SCN9A: variants seen among roughly 807,000 people sequenced by gnomAD.
SCN9A encodes sodium channel protein type 9 subunit alpha.
A neutral mutation model predicts 187.0 loss-of-function variants in SCN9A; 131 were observed. That is an observed-to-expected ratio of 0.70 (90% CI 0.61 to 0.81). The LOEUF (loss-of-function observed/expected upper bound fraction) is 0.81, where lower values mean the gene tolerates loss of function less well. Ranked by LOEUF, SCN9A falls within the 30% of genes least tolerant of loss-of-function variation. The pLI is 0.00. For missense variants in SCN9A, 2,252 were observed against 2,396.6 expected (o/e 0.94, Z 1.26); for synonymous variants, 809 against 808.6 (o/e 1.00, Z -0.01).
intron 1 of SCN9A, among the ~76,000 whole-genome samples, chr2:166,330,790 G>A (rs576373898): frequency 2.0e-5 from 3 of 152,232 alleles, no homozygotes; most frequent in South Asian, 4.1e-4. Flanking sequence ...TAATGCCAAG[G>A]CTGATCTAAC....
chr2:166,216,722 A>T (rs191144914), intron 24 of SCN9A, among the ~76,000 whole-genome samples: 84 of 152,148 alleles, frequency 5.5e-4, no homozygotes, highest in Non-Finnish European at 1.1e-3. Flanking sequence ...AAGTTGATTT[A>T]AAAAAACTGA....
chr2:166,209,495 C>CA (rs1274252617), intron 24 of SCN9A, among the ~76,000 whole-genome samples: 3 of 151,824 alleles, frequency 2.0e-5, no homozygotes, highest in Admixed American at 2.0e-4. Context: ...CACACACACA[C>CA]AAAAAGTCAA....
intron 21 of SCN9A, among the ~76,000 whole-genome samples, chr2:166,232,804 AATAT>A (rs1695143572): frequency 1.3e-5 from 2 of 148,334 alleles, no homozygotes; most frequent in South Asian, 2.1e-4. Context: ...TAAATGAAAT[AATAT>A]ATATACTATA....
At chr2:166,232,347 C>G (rs2106393244) in intron 21 of SCN9A, among the ~76,000 whole-genome samples, 1 of 152,278 alleles carries the variant, frequency 6.6e-6, no homozygotes, top group South Asian at 2.1e-4. Context: ...ATTAAGTAAA[C>G]TCTCTGAGCT....
chr2:166,304,667 A>T (rs1698694292), intron 5 of SCN9A, among the ~76,000 whole-genome samples: 1 of 152,086 alleles, frequency 6.6e-6, no homozygotes, highest in South Asian at 2.1e-4. Context: ...CAGACACAAA[A>T]GGCTGCATAC....
rs1559010779 is a variant in SCN9A, at chr2:166,284,778, CT to C, written c.1648del (p.Ser550AlafsTer15). 1 of 1,613,290 alleles carries C rather than the reference CT, an allele frequency of 6.2e-7. No individual in the cohort carries two copies. Among genetic ancestry groups the C allele is most frequent in the Non-Finnish European group, 8.5e-7 (1 of 1,179,804 alleles). On this transcript the variant is annotated frameshift_variant, in exon 12 of 27. Transcript: ENST00000642356. LOFTEE classifies it high-confidence loss of function. ...RGSLFSARRS[S>X]RTSLFSFKGR... ...TTTGAAACTAAAAAGACTTGTTCTGCTGCTTCGCCTTGCAGAAAACAAGGAG... is the reference window on the plus strand; with the variant it reads ...TTTGAAACTAAAAAGACTTGTTCTGCGCTTCGCCTTGCAGAAAACAAGGAG...
At position 166,199,070 on chromosome 2, in the gene SCN9A, C is replaced by A; in HGVS notation, c.5569G>T (p.Asp1857Tyr). 1.2e-6 allele frequency: 2 copies of A among 1,614,110 alleles called. No individual in the cohort carries two copies. The highest frequency in any genetic ancestry group is 1.7e-6 in the Non-Finnish European group (2 of 1,180,030). The change falls in exon 27 of 27, where the codon GAT becomes TAT. Residue 1857 changes from aspartate to tyrosine, a missense_variant. Transcript: ENST00000642356. ...KRVLGESGEM[D>Y]SLRSQMEERF... is the part of the protein sequence containing the mutation. Reference sequence around the variant, plus strand: ...TCTTCCATCTGTGAACGAAGAGAATCCATCTCCCCACTCTCACCCAAAACA... The same window carrying A: ...TCTTCCATCTGTGAACGAAGAGAATACATCTCCCCACTCTCACCCAAAACA...
At chr2:166,357,376 T>C (rs763546628) in intron 1 of SCN9A, among the ~76,000 whole-genome samples, 1 of 152,350 alleles carries the variant, frequency 6.6e-6, no homozygotes, top group Non-Finnish European at 1.5e-5. Flanking sequence ...TGAATTTCTA[T>C]CCTACCCTAA....
rs781072572 is a variant in SCN9A, at chr2:166,303,247, G to T, written c.744C>A (p.Val248=). Residue 248 remains valine, a synonymous_variant, in exon 7 of 27, where the codon GTC becomes GTA. Transcript: ENST00000642356. ...TCAGACAGAACACAGTCAGGATCAT[G>T]ACATCAGAAAGCTTCTTCACTGACT... ...LIQSVKKLSD[V]MILTVFCLSV... The T allele has an allele frequency of 2.5e-6, 4 of 1,613,524 alleles. No individual in the cohort carries two copies. In the African/African-American group the frequency reaches 5.3e-5, roughly 22 times the overall value.
chr2:166,247,157 CAAAAAAAAAA>C (rs35833662), intron 18 of SCN9A, among the ~76,000 whole-genome samples: 8 of 41,836 alleles, frequency 1.9e-4, no homozygotes, highest in Non-Finnish European at 2.8e-4. Context: ...CCAAAGCTCT[CAAAAAAAAAA>C]AAAAAAAAAA....
intron 7 of SCN9A, 51 bp from the exon 8 acceptor site, chr2:166,294,713 A>C: frequency 7.6e-7 from 1 of 1,317,958 alleles, no homozygotes; most frequent in East Asian, 2.4e-5. Context: ...TTAATCTGTG[A>C]TTGTGATAAA....
chr2:166,245,754 AT>A (rs1158489442), intron 18 of SCN9A, among the ~76,000 whole-genome samples: 4 of 151,980 alleles, frequency 2.6e-5, no homozygotes, highest in African/African-American at 7.2e-5. Flanking sequence ...AATTTTAGAT[AT>A]TTCTAAAAGA....
chr2:166,212,632 C>A (rs573659659), intron 24 of SCN9A, among the ~76,000 whole-genome samples: 1 of 152,236 alleles, frequency 6.6e-6, no homozygotes, highest in South Asian at 2.1e-4. Context: ...CGCTATAGAC[C>A]AAATGGATCA....
Position 166,233,414 on chromosome 2 carries a change from C to T in SCN9A, c.3850G>A (p.Gly1284Ser). 1 of 1,581,888 alleles carries T rather than the reference C, an allele frequency of 6.3e-7. No individual in the cohort carries two copies. Among genetic ancestry groups the T allele is most frequent in the African/African-American group, 1.4e-5 (1 of 72,870 alleles). The change falls in exon 21 of 27, where the codon GGC becomes AGC. Residue 1284 changes from glycine to serine, a missense_variant. By Grantham distance (56) the Gly-to-Ser change is moderately conservative. Around this residue, in one of 7 missense-constraint regions of SCN9A, gnomAD observed 368 missense variants for 408.6 expected, o/e 0.90. Coordinates refer to ENST00000642356, the MANE Select transcript of SCN9A (RefSeq NM_001365536.1). Reference protein sequence around the residue: ...VANTLGYSDLGPIKSLRTLRA... With the variant: ...VANTLGYSDLSPIKSLRTLRA... ...AGTGTCCGAAGGGATTTAATGGGGC[C>T]AAGATCTGAGTAGCCAAGAGTGTTT...
intron 1 of SCN9A, among the ~76,000 whole-genome samples, chr2:166,353,282 T>C (rs893646742): frequency 5.9e-5 from 9 of 151,830 alleles, no homozygotes; most frequent in African/African-American, 2.2e-4. Flanking sequence ...AAACATTTAG[T>C]TGCCTAACAC....
intron 7 of SCN9A, among the ~76,000 whole-genome samples, chr2:166,296,473 G>C (rs1698307359): frequency 6.6e-6 from 1 of 152,140 alleles, no homozygotes; most frequent in Non-Finnish European, 1.5e-5. Flanking sequence ...CTGAACCTCG[G>C]GAAGGATGGG....
chr2:166,265,005 A>G (rs2106447534), intron 17 of SCN9A, among the ~76,000 whole-genome samples: 1 of 152,130 alleles, frequency 6.6e-6, no homozygotes, highest in South Asian at 2.1e-4. Flanking sequence ...TACATTATAT[A>G]ATTATCAAAT....
chr2:166,323,594 G>T (rs967425006), intron 1 of SCN9A, among the ~76,000 whole-genome samples: 1 of 152,032 alleles, frequency 6.6e-6, no homozygotes, highest in African/African-American at 2.4e-5. Context: ...CATTATATTA[G>T]ACTGGAAAAG....
At chr2:166,214,041 T>G (rs1218832041) in intron 24 of SCN9A, among the ~76,000 whole-genome samples, 2 of 152,066 alleles carry the variant, frequency 1.3e-5, no homozygotes, top group Non-Finnish European at 2.9e-5. Flanking sequence ...TTTAAGGAAA[T>G]GTATTTATTT....
Sources: allele counts gnomAD v4.1 joint callset (sites outside exome capture counted in the v4.1 genomes callset), GRCh38; gene constraint gnomAD v4.1.1; regional missense constraint gnomAD v4.1.1; transcripts MANE v1.5; gene names NCBI Gene and HGNC (gene_info 2026-07-23, HGNC 2026-07-21).